ZFHX3: variants seen among roughly 807,000 people sequenced by gnomAD.
ZFHX3 encodes zinc finger homeobox 3, also known as zinc finger homeobox protein 3.
Under a neutral mutation model 279.1 loss-of-function variants are expected in ZFHX3, and 42 were observed. That is an observed-to-expected ratio of 0.15 (90% confidence interval 0.12 to 0.19). The LOEUF (loss-of-function observed/expected upper bound fraction) is 0.19. ZFHX3 is among the 10% of genes least tolerant of loss of function. The probability of loss-of-function intolerance (pLI) is 1.00; values close to 1 mark genes in which losing one functional copy is unlikely to be tolerated. For synonymous variants in ZFHX3, 2,293 were observed against 1,957.8 expected, an observed-to-expected ratio of 1.17 and a Z score of -4.52; for missense variants, 4,981 against 4,754.0, an observed-to-expected ratio of 1.05 and a Z score of -1.40.
intron 1 of ZFHX3, among the ~76,000 whole-genome samples, chr16:72,982,007 T>C (rs1056108593): frequency 1.3e-5 from 2 of 151,304 alleles, no homozygotes; most frequent in Non-Finnish European, 2.9e-5. Context: ...TTCAGCCTCC[T>C]GAGTAGCTGG....
At chr16:72,887,531 TGGGA>T (rs2038656874) in intron 4 of ZFHX3, among the ~76,000 whole-genome samples, 1 of 149,680 alleles carries the variant, frequency 6.7e-6, no homozygotes, top group African/African-American at 2.5e-5. Context: ...AGCTGGGGAG[TGGGA>T]GGGAGTCCAA....
chr16:73,844,133 G>A (rs1187462364), intron 1 of ZFHX3, among the ~76,000 whole-genome samples: 1 of 152,052 alleles, frequency 6.6e-6, no homozygotes, highest in African/African-American at 2.4e-5. Flanking sequence ...GTTTCAGAAG[G>A]ACAGATGCCT....
At position 73,404,934 on chromosome 16, in the gene ZFHX3, A is replaced by G. The variant is rs186449643; in HGVS notation, c.-1291+51069T>C. On this transcript the variant is annotated intron_variant, in intron 3 of 17. Transcript: ENST00000641206. ...AGCTAAGCAGACTGCCCAACCTCCAAGCACTTATGAGCTTGTTGTTCCCAC... is the reference window on the plus strand; with the variant it reads ...AGCTAAGCAGACTGCCCAACCTCCAGGCACTTATGAGCTTGTTGTTCCCAC... 9.4e-4 allele frequency among the ~76,000 whole-genome samples: 143 copies of G among 152,298 alleles called. 1 individual carries two copies. Among genetic ancestry groups the G allele is most frequent in the African/African-American group, 2.9e-3 (122 of 41,574 alleles).
Position 72,787,078 on chromosome 16 carries a change from G to A in ZFHX3, c.*86C>T, listed in dbSNP as rs1286975839. On this transcript the variant is annotated 3_prime_UTR_variant, in exon 10 of 10. Transcript: ENST00000268489. Reference sequence around the variant, plus strand: ...TTTTGTTTTTTGGTTAGAAGCTTTGGAATTGCAGTTAGTCTATTTTTGAAA... The same window carrying A: ...TTTTGTTTTTTGGTTAGAAGCTTTGAAATTGCAGTTAGTCTATTTTTGAAA... The A allele has an allele frequency of 8.5e-7, 1 of 1,175,210 alleles. No homozygotes were observed. The highest frequency in any genetic ancestry group is 1.6e-5 in the African/African-American group (1 of 61,706). The allele number at this position is 1,175,210 out of a possible 1,614,324, so 72.8% of individuals were successfully genotyped here.
intron 2 of ZFHX3, among the ~76,000 whole-genome samples, chr16:73,497,416 C>T (rs961976680): frequency 6.6e-6 from 1 of 152,220 alleles, no homozygotes; most frequent in Non-Finnish European, 1.5e-5. Flanking sequence ...CGCCTGTAAT[C>T]CCAGCACTTT....
In ZFHX3 at chr16:72,924,786, C is replaced by G. The variant is rs147462015; in HGVS notation, c.3216+25683G>C. ...TTAGTTAATTGTCAGAAACCCTTCT[C>G]GTTCACTCTCGTTTAGCCCCCGCCT... is the stretch of plus-strand genomic sequence containing the variant. On this transcript the variant is annotated intron_variant, in intron 3 of 9. Coordinates refer to ENST00000268489, the MANE Select transcript of ZFHX3 (RefSeq NM_006885.4). Among the ~76,000 whole-genome samples, 11 of 152,180 alleles carry G rather than the reference C, an allele frequency of 7.2e-5. No individual in the cohort carries two copies. The East Asian group carries it at 1.3e-3, about 19-fold the overall frequency.
intron 8 of ZFHX3, among the ~76,000 whole-genome samples, chr16:73,069,491 A>G (rs148312709): frequency 6.6e-6 from 1 of 152,368 alleles, no homozygotes; most frequent in East Asian, 1.9e-4. Context: ...CAAATTAGCC[A>G]TGCAGTGCTA....
intron 8 of ZFHX3, chr16:73,092,807 T>C: frequency 2.4e-6 from 1 of 411,802 alleles, no homozygotes; most frequent in Admixed American, 3.2e-5. Context: ...CATCCTGTGC[T>C]CTCCACTGCC....
intron 3 of ZFHX3, among the ~76,000 whole-genome samples, chr16:73,423,682 C>T (rs1443488786): frequency 6.6e-6 from 1 of 152,096 alleles, no homozygotes; most frequent in African/African-American, 2.4e-5. Flanking sequence ...GCCAGCATGG[C>T]ACAATCCTGT....
chr16:72,960,541 C>T (rs113179482), intron 1 of ZFHX3, among the ~76,000 whole-genome samples: 1 of 152,258 alleles, frequency 6.6e-6, no homozygotes, highest in African/African-American at 2.4e-5. Flanking sequence ...GGAGAACGGA[C>T]GCGTCATCTC....
At chr16:73,046,534 T>C (rs1243863543) in intron 1 of ZFHX3, among the ~76,000 whole-genome samples, 1 of 152,058 alleles carries the variant, frequency 6.6e-6, no homozygotes, top group African/African-American at 2.4e-5. Context: ...AGCCATTAAC[T>C]GAACGTGAAG....
At chr16:73,492,841 C>A (rs919283616) in intron 2 of ZFHX3, among the ~76,000 whole-genome samples, 1 of 152,122 alleles carries the variant, frequency 6.6e-6, no homozygotes, top group South Asian at 2.1e-4. Context: ...CTGCTCCTAG[C>A]GGACTGTGGT....
At chr16:73,352,514 T>C (rs993774476) in intron 3 of ZFHX3, among the ~76,000 whole-genome samples, 2 of 135,694 alleles carry the variant, frequency 1.5e-5, no homozygotes, top group African/African-American at 5.6e-5. Context: ...AGACAGAGTC[T>C]GTCACCCAGG....
At chr16:73,855,274 C>T (rs1961698584) in intron 1 of ZFHX3, among the ~76,000 whole-genome samples, 1 of 147,718 alleles carries the variant, frequency 6.8e-6, no homozygotes, top group Non-Finnish European at 1.5e-5. Flanking sequence ...CCACATTTGC[C>T]CGTGAAATTC....
At chr16:73,446,782 G>T (rs1277561752) in intron 3 of ZFHX3, among the ~76,000 whole-genome samples, 1 of 151,972 alleles carries the variant, frequency 6.6e-6, no homozygotes, top group Admixed American at 6.6e-5. Flanking sequence ...TCAACCATGG[G>T]TACTAGACTT....
intron 3 of ZFHX3, among the ~76,000 whole-genome samples, chr16:73,441,927 A>T (rs1378811946): frequency 6.6e-6 from 1 of 152,200 alleles, no homozygotes; most frequent in Non-Finnish European, 1.5e-5. Context: ...CCGTTTTGAG[A>T]AAAATGAAAA....
intron 1 of ZFHX3, among the ~76,000 whole-genome samples, chr16:73,757,471 A>G (rs1379576109): frequency 1.3e-5 from 2 of 152,234 alleles, no homozygotes; most frequent in Non-Finnish European, 2.9e-5. Flanking sequence ...CGTCTATGAA[A>G]ATCAGAAAAG....
At chr16:73,301,531 C>T (rs1179390910) in intron 4 of ZFHX3, among the ~76,000 whole-genome samples, 1 of 152,154 alleles carries the variant, frequency 6.6e-6, no homozygotes, top group Non-Finnish European at 1.5e-5. Context: ...TCAAAAACAT[C>T]TCCAGATACT....
chr16:72,888,973 A>G (rs755439751), intron 4 of ZFHX3, among the ~76,000 whole-genome samples: 23 of 151,988 alleles, frequency 1.5e-4, no homozygotes, highest in Non-Finnish European at 3.2e-4. Context: ...GTCTAAGTGG[A>G]GAGCAAGAGA....
Sources: allele counts gnomAD v4.1 joint callset (sites outside exome capture counted in the v4.1 genomes callset), GRCh38; gene constraint gnomAD v4.1.1; transcripts MANE v1.5; gene names NCBI Gene and HGNC (gene_info 2026-07-23, HGNC 2026-07-21).